Variants in PDE1A observed in about 807,000 individuals in gnomAD.
PDE1A encodes the protein phosphodiesterase 1A, also known as dual specificity calcium/calmodulin-dependent 3',5'-cyclic nucleotide phosphodiesterase 1A.
In PDE1A, 35 loss-of-function variants were observed where a neutral mutation model predicts 61.7. The observed-to-expected ratio is 0.57, with a 90% confidence interval of 0.43 to 0.75. The LOEUF (loss-of-function observed/expected upper bound fraction) is 0.75, where lower values mean the gene tolerates loss of function less well. Among genes scored for constraint, PDE1A ranks in the 30% least tolerant of loss-of-function variants. PDE1A has a pLI of 0.00. For synonymous variants in PDE1A, 232 were observed against 213.2 expected, an observed-to-expected ratio of 1.09 and a Z score of -0.77; for missense variants, 597 against 630.6, an observed-to-expected ratio of 0.95 and a Z score of 0.57.
chr2:182,476,548 T>G (rs982001169), intron 2 of PDE1A, among the ~76,000 whole-genome samples: 2 of 151,958 alleles, frequency 1.3e-5, no homozygotes, highest in Admixed American at 6.6e-5. Context: ...TATTTCATAA[T>G]GCACACATTA....
intron 2 of PDE1A, among the ~76,000 whole-genome samples, chr2:182,486,531 T>C (rs539021294): frequency 3.4e-4 from 52 of 152,084 alleles, no homozygotes; most frequent in Non-Finnish European, 6.3e-4. Flanking sequence ...ATTTACACTT[T>C]GAAGTTACAA....
chr2:182,480,283 C>T (rs535075396), intron 2 of PDE1A, among the ~76,000 whole-genome samples: 19 of 151,968 alleles, frequency 1.3e-4, no homozygotes, highest in East Asian at 1.9e-4. Flanking sequence ...TAAAACACAA[C>T]GGTATTAAGT....
chr2:182,222,179 A>G (rs1392093440), intron 7 of PDE1A, among the ~76,000 whole-genome samples: 4 of 152,054 alleles, frequency 2.6e-5, no homozygotes, highest in Non-Finnish European at 5.9e-5. Flanking sequence ...TAAACAAACT[A>G]TGGTATGTCC....
chr2:182,602,187 G>A, the PDE1A span, among the ~76,000 whole-genome samples: 1 of 152,238 alleles, frequency 6.6e-6, no homozygotes, highest in Non-Finnish European at 1.5e-5. Flanking sequence ...GGCCTTCCCG[G>A]GCCCCCAAGA....
At chr2:182,469,714 T>G (rs892265141) in intron 2 of PDE1A, among the ~76,000 whole-genome samples, 5 of 151,958 alleles carry the variant, frequency 3.3e-5, no homozygotes, top group African/African-American at 4.8e-5. Flanking sequence ...TTCACTAAAC[T>G]TCATCATTTC....
At chr2:182,695,360 T>C in the PDE1A span, among the ~76,000 whole-genome samples, 1 of 152,002 alleles carries the variant, frequency 6.6e-6, no homozygotes, top group African/African-American at 2.4e-5. Flanking sequence ...TAGGAAAACT[T>C]AAACTATAAT....
the PDE1A span, among the ~76,000 whole-genome samples, chr2:182,707,487 T>C: frequency 5.4e-4 from 82 of 152,132 alleles, no homozygotes; most frequent in Middle Eastern, 6.8e-3. Context: ...TAAAAGATAA[T>C]AAAGGAACTG....
chr2:182,683,715 A>G, the PDE1A span, among the ~76,000 whole-genome samples: 1 of 152,262 alleles, frequency 6.6e-6, no homozygotes, highest in African/African-American at 2.4e-5. Context: ...AAAAGCTTGC[A>G]GCTTTTCACT....
chr2:182,328,756 CA>C (rs1368242772), intron 1 of PDE1A, among the ~76,000 whole-genome samples: 2 of 152,198 alleles, frequency 1.3e-5, no homozygotes, highest in East Asian at 3.9e-4. Context: ...ATGGGGGAAC[CA>C]CCATGAAATA....
rs1039961365 is a variant in PDE1A, at chr2:182,478,812, C to G, written c.101+43464G>C. ...TATTTGGAGGCTAATAGAGTGAACA[C>G]TTCACATCTCTCATCATGCAAGAAA... On this transcript the variant is annotated intron_variant, in intron 2 of 14. Coordinates refer to the PDE1A transcript ENST00000410103. Among the ~76,000 whole-genome samples, 4 of 151,892 alleles carry G rather than the reference C, an allele frequency of 2.6e-5. No homozygotes were observed. In the South Asian group the frequency reaches 8.3e-4, roughly 31 times the overall value.
intron 1 of PDE1A, among the ~76,000 whole-genome samples, chr2:182,396,946 T>G (rs550824589): frequency 1.3e-5 from 2 of 152,310 alleles, no homozygotes; most frequent in Admixed American, 1.3e-4. Context: ...GTTTTTTTCA[T>G]GCATCTAAGA....
At chr2:182,433,550 G>C (rs1704060530) in intron 2 of PDE1A, among the ~76,000 whole-genome samples, 1 of 151,998 alleles carries the variant, frequency 6.6e-6, no homozygotes, top group Non-Finnish European at 1.5e-5. Flanking sequence ...ACAAAGTCTG[G>C]CTTTCAGAAA....
At chr2:182,551,128 A>C in the PDE1A span, among the ~76,000 whole-genome samples, 17 of 152,162 alleles carry the variant, frequency 1.1e-4, no homozygotes, top group Non-Finnish European at 4.4e-5. Context: ...AAGAGGCATA[A>C]TAAATTATAA....
chr2:182,648,233 G>A, the PDE1A span, among the ~76,000 whole-genome samples: 1 of 152,154 alleles, frequency 6.6e-6, no homozygotes, highest in East Asian at 1.9e-4. Context: ...TGGGCTTGTT[G>A]GGACATTCTG....
chr2:182,521,115 T>G (rs1283825982), intron 2 of PDE1A, among the ~76,000 whole-genome samples: 1 of 152,020 alleles, frequency 6.6e-6, no homozygotes, highest in Non-Finnish European at 1.5e-5. Flanking sequence ...TAAGAAAATA[T>G]ACAAAGAACA....
At chr2:182,568,279 T>C in the PDE1A span, among the ~76,000 whole-genome samples, 1 of 152,228 alleles carries the variant, frequency 6.6e-6, no homozygotes, top group South Asian at 2.1e-4. Context: ...AAAACATTTT[T>C]CATTGAACTC....
the PDE1A span, among the ~76,000 whole-genome samples, chr2:182,530,968 T>C: frequency 1.3e-5 from 2 of 152,086 alleles, no homozygotes; most frequent in Non-Finnish European, 2.9e-5. Context: ...CAGTGGAATA[T>C]ATAAAATTAT....
chr2:182,481,500 C>T (rs1389065681), intron 2 of PDE1A, among the ~76,000 whole-genome samples: 4 of 151,814 alleles, frequency 2.6e-5, no homozygotes, highest in African/African-American at 9.7e-5. Context: ...ATTCTAACTA[C>T]AGAAAAAGGA....
chr2:182,697,820 G>A, the PDE1A span, among the ~76,000 whole-genome samples: 9 of 152,188 alleles, frequency 5.9e-5, no homozygotes, highest in Non-Finnish European at 1.3e-4. Context: ...GACACTGGGC[G>A]CTGTATGACT....
Sources: gnomAD v4.1 joint callset for allele counts (sites outside exome capture counted in the v4.1 genomes callset) on GRCh38, gnomAD v4.1.1 for gene constraint, MANE v1.5 for transcripts, NCBI Gene and HGNC (gene_info 2026-07-23, HGNC 2026-07-21) for gene names.